The following FIGNL2 variants were observed in gnomAD, a reference collection of about 807,000 sequenced individuals.
The protein encoded by FIGNL2 is fidgetin-like protein 2.
For missense variants in FIGNL2, 1,060 were observed against 950.2 expected, an observed-to-expected ratio of 1.12 and a Z score of -1.52; for synonymous variants, 565 against 484.0, an observed-to-expected ratio of 1.17 and a Z score of -2.20.
At chr12:51,840,877 G>C (rs773851136) in intron 1 of FIGNL2, among the ~76,000 whole-genome samples, 1 of 152,234 alleles carries the variant, frequency 6.6e-6, no homozygotes, top group Non-Finnish European at 1.5e-5. Flanking sequence ...ATCCAAGGTT[G>C]ACTTGAGTCT....
rs1939622978 is a variant in FIGNL2, at chr12:51,839,155, C to T, written c.-12+9385G>A. 3.3e-5 allele frequency among the ~76,000 whole-genome samples: 5 copies of T among 150,932 alleles called. No individual in the cohort carries two copies. The South Asian group carries it at 1.0e-3, about 31-fold the overall frequency. ...CTCCTGACAGCCCACTGTGCCCAGA[C>T]GTAACTTGGTCTTGAGCCACATTCT... On this transcript the variant is annotated intron_variant, in intron 1 of 1. Coordinates refer to ENST00000618634, the MANE Select transcript of FIGNL2 (RefSeq NM_001384995.1).
intron 1 of FIGNL2, chr12:51,831,947 C>G (rs1239466354): frequency 1.3e-5 from 2 of 152,524 alleles, no homozygotes; most frequent in African/African-American, 4.8e-5. Context: ...CTCAAGCATT[C>G]CTCCACCCCA....
intron 1 of FIGNL2, among the ~76,000 whole-genome samples, chr12:51,829,595 G>A (rs953559423): frequency 3.3e-5 from 5 of 152,288 alleles, no homozygotes; most frequent in African/African-American, 1.2e-4. Context: ...GATGCCATGG[G>A]GTGGCTGCAT....
At chr12:51,830,738 G>A (rs529860961) in intron 1 of FIGNL2, among the ~76,000 whole-genome samples, 6 of 151,980 alleles carry the variant, frequency 3.9e-5, no homozygotes, top group South Asian at 4.2e-4. Context: ...TGATTCGCCC[G>A]CCTTGGCCTC....
chr12:51,822,486 C>G, intron 1 of FIGNL2, 62 bp from the exon 2 acceptor site: 6 of 1,581,754 alleles, frequency 3.8e-6, no homozygotes, highest in Admixed American at 3.5e-5. Context: ...TGGGCCACTG[C>G]TAGCCATAGG....
At chr12:51,825,090 T>TA (rs1465150836) in intron 1 of FIGNL2, among the ~76,000 whole-genome samples, 1 of 151,214 alleles carries the variant, frequency 6.6e-6, no homozygotes, top group Non-Finnish European at 1.5e-5. Flanking sequence ...AGTATTGTGT[T>TA]ACTATCCAGA....
At chr12:51,826,562 C>A (rs1175141792) in intron 1 of FIGNL2, among the ~76,000 whole-genome samples, 1 of 148,684 alleles carries the variant, frequency 6.7e-6, no homozygotes, top group Non-Finnish European at 1.5e-5. Context: ...TATCTTGAAC[C>A]TGGGAGGTGG....
chr12:51,820,414 G>T lies in FIGNL2; in HGVS notation c.*38C>A. On this transcript the variant is annotated 3_prime_UTR_variant, in exon 2 of 2. Coordinates refer to ENST00000618634, the MANE Select transcript of FIGNL2 (RefSeq NM_001384995.1). Reference sequence around the variant, plus strand: ...CCTCCCACGCGGAGGCGGCGGGGACGGAGGGACTGCGGCTCCCGCGGCCTC... The same window carrying T: ...CCTCCCACGCGGAGGCGGCGGGGACTGAGGGACTGCGGCTCCCGCGGCCTC... 1.3e-6 allele frequency: 2 copies of T among 1,561,598 alleles called. No individual in the cohort carries two copies. The highest frequency in any genetic ancestry group is 1.4e-5 in the African/African-American group (1 of 74,032).
At chr12:51,836,670 C>T (rs1449537098) in intron 1 of FIGNL2, among the ~76,000 whole-genome samples, 4 of 152,144 alleles carry the variant, frequency 2.6e-5, no homozygotes, top group African/African-American at 4.8e-5. Flanking sequence ...GGTCACTCAT[C>T]CATCCATCCA....
rs1182553988 is a variant in FIGNL2, at chr12:51,821,720, T to G, written c.694A>C (p.Thr232Pro). 9 of 1,263,852 alleles carry G rather than the reference T, an allele frequency of 7.1e-6. No homozygotes were observed. Among genetic ancestry groups the G allele is most frequent in the Admixed American group, 4.3e-5 (1 of 23,348 alleles). 78.3% of individuals were successfully genotyped at this position (1,263,852 alleles called of 1,614,324 possible). ...PPGPPPAPYL[T>P]PGLPAPTPLP... ...GGCGTGGGCGCGGGCAGGCCCGGGG[T>G]CAGGTAGGGGGCCGGGGGTGGGCCT... The change falls in exon 2 of 2, where the codon ACC (threonine) becomes CCC (proline). Residue 232 changes from threonine to proline, a missense_variant. By Grantham distance (38) the Thr-to-Pro change is conservative. Transcript: ENST00000618634.
intron 1 of FIGNL2, chr12:51,847,076 G>A (rs943274540): frequency 1.5e-5 from 15 of 985,340 alleles, no homozygotes; most frequent in Admixed American, 6.1e-5. Flanking sequence ...TCCCACAGCT[G>A]GGTGGCGGCG....
intron 1 of FIGNL2, chr12:51,846,938 G>A (rs1025872611): frequency 2.2e-6 from 2 of 923,802 alleles, no homozygotes; most frequent in South Asian, 5.0e-5. Flanking sequence ...ACATGGGAAA[G>A]GGGATTTACG....
At chr12:51,846,150 C>T (rs985645062) in intron 1 of FIGNL2, among the ~76,000 whole-genome samples, 2 of 152,356 alleles carry the variant, frequency 1.3e-5, no homozygotes, top group African/African-American at 4.8e-5. Flanking sequence ...GTGTCAAGCC[C>T]TGTGGCAAGC....
chr12:51,847,779 G>C, intron 1 of FIGNL2: 1 of 985,390 alleles, frequency 1.0e-6, no homozygotes, highest in Non-Finnish European at 1.2e-6. Context: ...GGGGTTGCTA[G>C]CATGCGAATC....
intron 1 of FIGNL2, among the ~76,000 whole-genome samples, chr12:51,829,570 A>G (rs1429600377): frequency 6.6e-6 from 1 of 152,200 alleles, no homozygotes; most frequent in Non-Finnish European, 1.5e-5. Flanking sequence ...ACACATGTTT[A>G]GGGATGAGCT....
At chr12:51,845,459 C>T (rs9669675) in intron 1 of FIGNL2, 293,798 of 922,046 alleles carry the variant, frequency 0.32, 44,977 homozygotes, top group East Asian at 0.59. Context: ...TGTGGCTCAC[C>T]GCCCCCCCCC....
intron 1 of FIGNL2, among the ~76,000 whole-genome samples, chr12:51,834,067 A>AGACGGATGGGTGGGTGGATGGATGGATG (rs1398275975): frequency 7.2e-6 from 1 of 139,044 alleles, no homozygotes; most frequent in South Asian, 2.2e-4. Context: ...ACAGATGGAC[A>AGACGGATGGGTGGGTGGATGGATGGATG]GATGGATGAA....
intron 1 of FIGNL2, chr12:51,847,213 G>T: frequency 2.0e-6 from 2 of 985,428 alleles, no homozygotes; most frequent in Non-Finnish European, 2.4e-6. Context: ...TTCGGGGTAG[G>T]CTCCGGGAGG....
chr12:51,820,754 A>G lies in FIGNL2; in HGVS notation c.1660T>C (p.Tyr554His), dbSNP rs752576653. The part of the protein sequence containing the change: ...ATRRRFSLRF[Y>H]VALPDSPARG... The stretch of plus-strand genomic sequence containing the variant: ...GCCGGGCTGTCGGGCAGCGCCACGT[A>G]GAAGCGGAGAGAGAAGCGCCGGCGG... Residue 554 changes from tyrosine (Y) to histidine (H), a missense_variant, in exon 2 of 2, where the codon TAC becomes CAC. Coordinates refer to ENST00000618634, the MANE Select transcript of FIGNL2 (RefSeq NM_001384995.1). The G allele has an allele frequency of 6.7e-7, 1 of 1,485,404 alleles. No homozygotes were observed. The highest frequency in any genetic ancestry group is 1.3e-5 in the South Asian group (1 of 78,682). The allele number at this position is 1,485,404 out of a possible 1,614,324, so 92.0% of individuals were successfully genotyped here.
Sources: gnomAD v4.1 joint callset for allele counts (sites outside exome capture counted in the v4.1 genomes callset) on GRCh38, gnomAD v4.1.1 for gene constraint, MANE v1.5 for transcripts, NCBI Gene and HGNC (gene_info 2026-07-23, HGNC 2026-07-21) for gene names.